NTRK3: variants seen among roughly 807,000 people sequenced by gnomAD.
NTRK3 encodes neurotrophic receptor tyrosine kinase 3.
NTRK3 carries 24 observed loss-of-function variants against 91.7 expected under a neutral mutation model. The ratio of observed to expected loss-of-function variants is 0.26; its 90% CI spans 0.19 to 0.37. NTRK3 has a LOEUF of 0.37. Ranked by LOEUF, NTRK3 falls within the 10% of genes least tolerant of loss-of-function variation. NTRK3 has a pLI of 1.00. For missense variants in NTRK3, 880 were observed against 1,068.9 expected, an observed-to-expected ratio of 0.82 and a Z score of 2.46; for synonymous variants, 483 against 404.0, an observed-to-expected ratio of 1.20 and a Z score of -2.34.
chr15:88,240,745 C>T lies in NTRK3; in HGVS notation c.248+15161G>A, dbSNP rs187338363. ...CATGTCACTGTGCTGAGAATGGAAGCGGGTTAAAATAAAAGTCCCCTTAAA... is the reference window on the plus strand; with the variant it reads ...CATGTCACTGTGCTGAGAATGGAAGTGGGTTAAAATAAAAGTCCCCTTAAA... On this transcript the variant is annotated intron_variant, in intron 3 of 18. Transcript: ENST00000394480. The surrounding 1 kb of genome is among the most constrained non-coding windows in gnomAD (Gnocchi z 4.9). 1.9e-3 allele frequency among the ~76,000 whole-genome samples: 296 copies of T among 152,264 alleles called. No individual in the cohort carries two copies. The highest frequency in any genetic ancestry group is 6.6e-3 in the African/African-American group (274 of 41,556).
At chr15:88,141,099 G>A (rs1162617100) in intron 6 of NTRK3, among the ~76,000 whole-genome samples, 1 of 152,166 alleles carries the variant, frequency 6.6e-6, no homozygotes, top group Non-Finnish European at 1.5e-5. Context: ...AGGTTGGGAT[G>A]GGGGTGAGGC....
intron 14 of NTRK3, among the ~76,000 whole-genome samples, chr15:87,952,218 G>GA (rs1217743050): frequency 6.9e-6 from 1 of 145,634 alleles, no homozygotes; most frequent in Non-Finnish European, 1.5e-5. Context: ...AAGAAGAAAA[G>GA]AAAAGAGAAA....
At chr15:88,023,766 G>GA (rs2077787383) in intron 14 of NTRK3, among the ~76,000 whole-genome samples, 1 of 152,132 alleles carries the variant, frequency 6.6e-6, no homozygotes, top group South Asian at 2.1e-4. Context: ...TCCCAGCCCA[G>GA]CCCTGTAACC....
chr15:87,894,479 G>T (rs1345449706), intron 17 of NTRK3, among the ~76,000 whole-genome samples: 5 of 152,108 alleles, frequency 3.3e-5, no homozygotes, highest in Admixed American at 6.5e-5. Context: ...TACAGACCTG[G>T]GCCTGTCGGT....
intron 14 of NTRK3, among the ~76,000 whole-genome samples, chr15:88,032,404 G>A (rs1188700599): frequency 6.6e-6 from 1 of 152,164 alleles, no homozygotes. Context: ...TGGAGGGGCA[G>A]CTAGAGAGAT....
At chr15:88,127,013 G>A (rs2053357251) in intron 12 of NTRK3, 149 bp downstream of exon 12, 1 of 735,258 alleles carries the variant, frequency 1.4e-6, no homozygotes, top group African/African-American at 1.7e-5. Context: ...CAACAAGGAA[G>A]GTTTAAACTG....
chr15:87,979,886 C>T (rs1376616640), intron 14 of NTRK3, among the ~76,000 whole-genome samples: 2 of 152,144 alleles, frequency 1.3e-5, no homozygotes, highest in African/African-American at 2.4e-5. Flanking sequence ...GAAGGCTATG[C>T]TTTCCCAGAA....
chr15:87,892,083 A>ACCACACACACACAC (rs2065880934), intron 17 of NTRK3, among the ~76,000 whole-genome samples: 1 of 141,344 alleles, frequency 7.1e-6, no homozygotes, highest in African/African-American at 2.8e-5. Context: ...CCCCATCCCC[A>ACCACACACACACAC]ACACACACAC....
Position 88,234,949 on chromosome 15 carries a change from C to A in NTRK3, c.248+20957G>T, listed in dbSNP as rs749393806. ...CCCTTCCAACCTGAGAGGCGTTGCA[C>A]TGGCTACGCCCTGGGCCTGGAAACT... is the stretch of plus-strand genomic sequence containing the variant. On this transcript the variant is annotated intron_variant, in intron 3 of 18. Transcript: ENST00000394480. This position sits in a 1 kb window ranked among gnomAD's most constrained non-coding sequence, Gnocchi z 6.1. 6.6e-6 allele frequency among the ~76,000 whole-genome samples: 1 copy of A among 152,166 alleles called. No homozygotes were observed. The highest frequency in any genetic ancestry group is 2.4e-5 in the African/African-American group (1 of 41,446).
chr15:87,979,055 G>A (rs2073970832), intron 14 of NTRK3: 1 of 511,656 alleles, frequency 2.0e-6, no homozygotes, highest in Non-Finnish European at 3.5e-6. Context: ...TGCTCCTGGT[G>A]CACAGGTTTT....
chr15:87,984,985 G>A (rs988639735), intron 14 of NTRK3, among the ~76,000 whole-genome samples: 1 of 152,112 alleles, frequency 6.6e-6, no homozygotes, highest in African/African-American at 2.4e-5. Flanking sequence ...TATTGTACTA[G>A]GTTATAGGCT....
At chr15:88,185,114 A>T (rs1346355433) in intron 3 of NTRK3, among the ~76,000 whole-genome samples, 3 of 152,180 alleles carry the variant, frequency 2.0e-5, no homozygotes, top group Non-Finnish European at 2.9e-5. Flanking sequence ...TTTCATCATG[A>T]AGGTCTCCTT....
chr15:87,961,080 G>A (rs2072236930), intron 14 of NTRK3, among the ~76,000 whole-genome samples: 1 of 152,102 alleles, frequency 6.6e-6, no homozygotes. Flanking sequence ...TGCCTACCTG[G>A]CCTCTCTGAT....
chr15:88,152,478 T>C (rs181262543), intron 5 of NTRK3, among the ~76,000 whole-genome samples: 28 of 152,130 alleles, frequency 1.8e-4, no homozygotes, highest in Non-Finnish European at 3.5e-4. Flanking sequence ...AAAGAAAAGA[T>C]GTAAAGTCAC....
chr15:88,004,022 C>A (rs1245676490), intron 14 of NTRK3, among the ~76,000 whole-genome samples: 1 of 152,190 alleles, frequency 6.6e-6, no homozygotes, highest in Middle Eastern at 3.4e-3. Flanking sequence ...GGACAATGAG[C>A]CTCTCTCTTG....
At chr15:87,885,827 A>G in intron 17 of NTRK3, 92 bp from the exon 18 acceptor site, 1 of 473,678 alleles carries the variant, frequency 2.1e-6, no homozygotes, top group Admixed American at 4.4e-5. Flanking sequence ...CCTAAATAAG[A>G]CACATGTTCA....
At chr15:88,129,940 A>G (rs925432919) in intron 10 of NTRK3, among the ~76,000 whole-genome samples, 1 of 152,178 alleles carries the variant, frequency 6.6e-6, no homozygotes, top group Non-Finnish European at 1.5e-5. Context: ...CTAATCAAAT[A>G]TGGTTGATGT....
chr15:88,000,420 C>A (rs1202862483), intron 14 of NTRK3, among the ~76,000 whole-genome samples: 1 of 152,064 alleles, frequency 6.6e-6, no homozygotes. Flanking sequence ...AAATATAATT[C>A]ACAAAACATA....
chr15:87,871,633 A>C (rs1249261482), exon 19 of NTRK3: 1 of 229,488 alleles, frequency 4.4e-6, no homozygotes, highest in Non-Finnish European at 8.6e-6. Context: ...AAATGATCCA[A>C]CTTTACAAGA....
Sources: gnomAD v4.1 joint callset for allele counts (sites outside exome capture counted in the v4.1 genomes callset) on GRCh38, gnomAD v4.1.1 for gene constraint, Gnocchi (gnomAD v3.1) non-coding constraint, MANE v1.5 for transcripts, NCBI Gene and HGNC (gene_info 2026-07-23, HGNC 2026-07-21) for gene names.